The following SCNN1D variants were observed in gnomAD, a reference collection of about 807,000 sequenced individuals.
The protein encoded by SCNN1D is epithelial sodium channel subunit delta.
In SCNN1D, 104 loss-of-function variants were observed where a neutral mutation model predicts 87.8. That is an observed-to-expected ratio of 1.18 (90% confidence interval 1.01 to 1.39). SCNN1D has a LOEUF of 1.39. SCNN1D is among the 40% of genes most tolerant of loss of function. The pLI, the probability that SCNN1D is intolerant of heterozygous loss-of-function variation, is 0.00. For synonymous variants in SCNN1D, 628 were observed against 481.2 expected, an observed-to-expected ratio of 1.31 and a Z score of -3.99; for missense variants, 1,324 against 1,093.9, an observed-to-expected ratio of 1.21 and a Z score of -2.97.
rs142261673 is a variant in SCNN1D, at chr1:1,291,311, G to A, written c.2110G>A (p.Val704Ile). The part of the protein sequence containing the change: ...SLCSLWFGAS[V>I]LSLLELLELL... ...CTGCAGCCTGTGGTTTGGGGCCTCC[G>A]TCCTCTCCCTCCTGGAGCTCCTGGA... is the stretch of plus-strand genomic sequence containing the variant. Residue 704 changes from valine (V) to isoleucine (I), a missense_variant, in exon 18 of 18, where the codon GTC becomes ATC. Transcript: ENST00000379116. 9.8e-5 allele frequency: 156 copies of A among 1,590,530 alleles called. No individual in the cohort carries two copies. Among genetic ancestry groups the A allele is most frequent in the East Asian group, 2.5e-4 (11 of 44,532 alleles).
Position 1,284,056 on chromosome 1 carries a change from T to C in SCNN1D, c.430T>C (p.Trp144Arg). 2 of 1,261,802 alleles carry C rather than the reference T, an allele frequency of 1.6e-6. No individual in the cohort carries two copies. The highest frequency in any genetic ancestry group is 2.0e-6 in the Non-Finnish European group (2 of 1,006,776). 78.2% of individuals were successfully genotyped at this position (1,261,802 alleles called of 1,614,324 possible). ...GAGCACCGAAGCATGGACGGGAGAA[T>C]GGAAGCAGCCACACGGGGGGGCTCT... ...WLSTEAWTGE[W>R]KQPHGGALTS... The change falls in exon 5 of 18, where the codon TGG becomes CGG. Residue 144 changes from tryptophan (W) to arginine (R), a missense_variant. Physicochemically the swap from Trp to Arg is moderately radical, Grantham distance 101. Coordinates refer to ENST00000379116, the MANE Select transcript of SCNN1D (RefSeq NM_001130413.4).
At position 1,290,702 on chromosome 1, in the gene SCNN1D, C is replaced by T; in HGVS notation, c.1917+8C>T. On this transcript the variant is annotated splice_region_variant and intron_variant, in intron 15 of 17. Transcript: ENST00000379116. ...CCTTCCGCCAAGTCAGCTGTGAGTCCCCAAAGTGGTGGGGTGGGGGTGTGG... is the reference window on the plus strand; with the variant it reads ...CCTTCCGCCAAGTCAGCTGTGAGTCTCCAAAGTGGTGGGGTGGGGGTGTGG... 1 of 1,612,548 alleles carries T rather than the reference C, an allele frequency of 6.2e-7. No homozygotes were observed. Among genetic ancestry groups the T allele is most frequent in the Non-Finnish European group, 8.5e-7 (1 of 1,179,902 alleles).
chr1:1,290,510 A>G lies in SCNN1D; in HGVS notation c.1814A>G (p.Glu605Gly), dbSNP rs1640770081. 1 of 1,612,502 alleles carries G rather than the reference A, an allele frequency of 6.2e-7. No individual in the cohort carries two copies. The highest frequency in any genetic ancestry group is 1.3e-5 in the African/African-American group (1 of 74,900). The change falls in exon 14 of 18, where the codon GAG (glutamate) becomes GGG (glycine). Residue 605 changes from glutamate to glycine, a missense_variant. Physicochemically the swap from Glu to Gly is moderately conservative, Grantham distance 98. Transcript: ENST00000379116. ...TTCTACCGCCTCTACCAGGACCTGG[A>G]GACCCACCGGCTCCCCTGTACCTCC... is the stretch of plus-strand genomic sequence containing the variant. ...HCFYRLYQDL[E>G]THRLPCTSRC...
chr1:1,290,785 G>A (rs1640783274), intron 15 of SCNN1D, 91 bp downstream of exon 15: 4 of 1,585,458 alleles, frequency 2.5e-6, no homozygotes, highest in African/African-American at 2.7e-5. Flanking sequence ...GGCAGGGCCG[G>A]AACTGACCCA....
intron 15 of SCNN1D, 51 bp downstream of exon 15, chr1:1,290,745 A>G: frequency 1.3e-6 from 2 of 1,598,720 alleles, no homozygotes; most frequent in Non-Finnish European, 1.7e-6. Context: ...GGCAGACCCC[A>G]CAGGTCCCAC....
chr1:1,289,642 T>C (rs1170441957), intron 12 of SCNN1D, among the ~76,000 whole-genome samples: 13 of 8,594 alleles, frequency 1.5e-3, no homozygotes, highest in Non-Finnish European at 1.3e-3. Context: ...GTCCCGTGTC[T>C]CTGCTCCGTC....
rs753216462 is a variant in SCNN1D at position 1,291,358 on chromosome 1, C to T, written c.2157C>T (p.Ala719=). The T allele has an allele frequency of 6.2e-6, 10 of 1,608,492 alleles. No homozygotes were observed. The highest frequency in any genetic ancestry group is 3.9e-4 in the Middle Eastern group (2 of 5,162). Residue 719 remains alanine, a synonymous_variant, in exon 18 of 18, where the codon GCC becomes GCT. Coordinates refer to ENST00000379116, the MANE Select transcript of SCNN1D (RefSeq NM_001130413.4). The part of the protein sequence containing the change: ...ELLELLLDAS[A]LTLVLGGRRL... The stretch of plus-strand genomic sequence containing the variant: ...TGGAGCTGCTGCTCGATGCTTCTGC[C>T]CTCACCCTGGTGCTAGGCGGCCGCC...
Position 1,281,616 on chromosome 1 carries a change from T to C in SCNN1D, c.277+6T>C. 5 of 1,534,438 alleles carry C rather than the reference T, an allele frequency of 3.3e-6. No individual in the cohort carries two copies. The highest frequency in any genetic ancestry group is 4.4e-6 in the Non-Finnish European group (5 of 1,146,104). On this transcript the variant is annotated splice_donor_region_variant and intron_variant, in intron 3 of 17. Transcript: ENST00000379116. ...GATACAGGGGTGTGGGACAGGTGAC[T>C]GAACCTCAGCCCTTAGAGGCCTTGC...
chr1:1,285,943 C>T lies in SCNN1D; in HGVS notation c.576C>T (p.Pro192=). Residue 192 remains proline (P), a synonymous_variant, in exon 7 of 18, where the codon CCC becomes CCT. Transcript: ENST00000379116. ...CKQGQAAAQT[P]PRPGPPSAPP... The stretch of plus-strand genomic sequence containing the variant: ...GCACACAGGCTGCAGCCCAGACGCC[C>T]CCCAGGCCGGGGCCACCATCAGCAC... The T allele has an allele frequency of 6.4e-7, 1 of 1,552,728 alleles. No individual in the cohort carries two copies. The highest frequency in any genetic ancestry group is 8.7e-7 in the Non-Finnish European group (1 of 1,146,778).
In SCNN1D at chr1:1,286,845, A is replaced by C. The variant is rs779771735; in HGVS notation, c.989A>C (p.Asn330Thr). The C allele has an allele frequency of 6.2e-7, 1 of 1,612,562 alleles. No homozygotes were observed. Among genetic ancestry groups the C allele is most frequent in the African/African-American group, 1.3e-5 (1 of 74,980 alleles). Residue 330 changes from asparagine to threonine, a missense_variant, in exon 8 of 18, where the codon AAC (asparagine) becomes ACC (threonine). Asn to Thr is a moderately conservative substitution (Grantham distance 65, BLOSUM62 0). Transcript: ENST00000379116. ...RENIDSLYNV[N>T]LSKGRAALSA... ...AACATTGACTCCCTGTACAACGTCA[A>C]CCTCAGCAAAGGCAGAGCCGCCCTC...
At chr1:1,287,895 G>T (rs78423221) in intron 11 of SCNN1D, 44 bp from the exon 12 acceptor site, 41 of 1,520,216 alleles carry the variant, frequency 2.7e-5, no homozygotes, top group South Asian at 1.6e-4. Flanking sequence ...CTGGGCTTTG[G>T]GGGGTGAGGG....
At position 1,291,330 on chromosome 1, in the gene SCNN1D, T is replaced by C. The variant is rs1470994687; in HGVS notation, c.2129T>C (p.Leu710Pro). Reference protein sequence around the residue: ...FGASVLSLLELLELLLDASAL... With the variant: ...FGASVLSLLEPLELLLDASAL... ...GCCTCCGTCCTCTCCCTCCTGGAGCTCCTGGAGCTGCTGCTCGATGCTTCT... is the reference window on the plus strand; with the variant it reads ...GCCTCCGTCCTCTCCCTCCTGGAGCCCCTGGAGCTGCTGCTCGATGCTTCT... Residue 710 changes from leucine to proline, a missense_variant, in exon 18 of 18, where the codon CTC becomes CCC. Physicochemically the swap from Leu to Pro is moderately conservative, Grantham distance 98. Transcript: ENST00000379116. 3.7e-6 allele frequency: 6 copies of C among 1,602,132 alleles called. No homozygotes were observed. Among genetic ancestry groups the C allele is most frequent in the Admixed American group, 1.7e-5 (1 of 58,376 alleles).
At chr1:1,288,757 CCGTGTCCCTGCTCCGT>C (rs1640694842) in intron 12 of SCNN1D, among the ~76,000 whole-genome samples, 1 of 3,960 alleles carries the variant, frequency 2.5e-4, no homozygotes. Context: ...CTGCTCCGTC[CCGTGTCCCTGCTCCGT>C]CCCGTGTCTC....
chr1:1,288,578 T>C (rs1211759909), intron 12 of SCNN1D, among the ~76,000 whole-genome samples: 24 of 52,996 alleles, frequency 4.5e-4, no homozygotes, highest in Non-Finnish European at 7.3e-4. Flanking sequence ...CCCCCGTGTC[T>C]CTGCTCCGTC....
rs143433846 is a variant in SCNN1D, at chr1:1,287,123, C to T, written c.1134C>T (p.Gly378=). ...RVGFRLCNST[G]GDCFYRGYTS... is the part of the protein sequence containing the mutation. ...CCCTCTCCCAGTGCAACAGCACGGG[C>T]GGCGACTGCTTTTACCGAGGCTACA... The change falls in exon 9 of 18, where the codon GGC becomes GGT. Residue 378 remains glycine, a synonymous_variant. Coordinates refer to ENST00000379116, the MANE Select transcript of SCNN1D (RefSeq NM_001130413.4). 2.7e-4 allele frequency: 437 copies of T among 1,595,252 alleles called. 1 individual carries two copies. The African/African-American group carries it at 4.6e-3, about 17-fold the overall frequency.
In SCNN1D at chr1:1,282,235, C is replaced by G. The variant is rs1046007156; in HGVS notation, c.278-7C>G. The G allele has an allele frequency of 5.4e-5, 78 of 1,444,216 alleles. No homozygotes were observed. The highest frequency in any genetic ancestry group is 7.2e-5 in the Non-Finnish European group (76 of 1,050,400). The allele number at this position is 1,444,216 out of a possible 1,614,324, so 89.5% of individuals were successfully genotyped here. A position where few individuals can be genotyped will look rare whatever the true frequency, so the allele number is the denominator to read the frequency against. The stretch of plus-strand genomic sequence containing the variant: ...CACAGCCAGTGACGAAGCTGTGATT[C>G]ACACAGGCCTGGGTGACTCCAGCAT... On this transcript the variant is annotated splice_region_variant and splice_polypyrimidine_tract_variant and intron_variant, in intron 3 of 17. Coordinates refer to ENST00000379116, the MANE Select transcript of SCNN1D (RefSeq NM_001130413.4).
intron 1 of SCNN1D, 186 bp from the exon 2 acceptor site, chr1:1,281,040 C>T (rs1013922125): frequency 6.4e-6 from 4 of 629,466 alleles, no homozygotes; most frequent in Non-Finnish European, 1.1e-5. Context: ...CCCCAGGCCA[C>T]CCCTGGCCTG....
Position 1,291,581 on chromosome 1 carries a change from C to T in SCNN1D, c.2380C>T (p.Pro794Ser), listed in dbSNP as rs368293046. The T allele has an allele frequency of 7.6e-5, 118 of 1,559,218 alleles. 2 individuals carry two copies. In the Middle Eastern group the frequency reaches 4.1e-3, roughly 55 times the overall value. ...GVSAEESWAG[P>S]QPLETLDT ...CTCAGCCGAAGAGAGCTGGGCTGGG[C>T]CCCAGCCCCTTGAGACTCTGGACAC... Residue 794 changes from proline (P) to serine (S), a missense_variant, in exon 18 of 18, where the codon CCC becomes TCC. Pro to Ser is a moderately conservative substitution (Grantham distance 74). Transcript: ENST00000379116.
chr1:1,287,023 A>G, intron 8 of SCNN1D, 48 bp downstream of exon 8: 1 of 1,590,714 alleles, frequency 6.3e-7, no homozygotes, highest in Non-Finnish European at 8.6e-7. Flanking sequence ...TTGAGCTGGG[A>G]GCACGGCCCT....
Sources: gnomAD v4.1 joint callset for allele counts (sites outside exome capture counted in the v4.1 genomes callset) on GRCh38, gnomAD v4.1.1 for gene constraint, MANE v1.5 for transcripts, NCBI Gene and HGNC (gene_info 2026-07-23, HGNC 2026-07-21) for gene names.